Variants in NCOR2 observed in about 807,000 individuals in gnomAD.
The protein encoded by NCOR2 is CTG repeat protein 26.
A neutral mutation model predicts 262.9 loss-of-function variants in NCOR2; 81 were observed. That is an observed-to-expected ratio of 0.31 (90% CI 0.26 to 0.37). The LOEUF (loss-of-function observed/expected upper bound fraction) is 0.37. NCOR2 is among the 10% of genes least tolerant of loss of function. The probability of loss-of-function intolerance (pLI) is 1.00; values close to 1 mark genes in which losing one functional copy is unlikely to be tolerated. For missense variants in NCOR2, 3,385 were observed against 3,621.4 expected, an observed-to-expected ratio of 0.93 and a Z score of 1.68; for synonymous variants, 1,659 against 1,559.3, an observed-to-expected ratio of 1.06 and a Z score of -1.51.
intron 16 of NCOR2, among the ~76,000 whole-genome samples, chr12:124,392,147 C>G (rs1415027233): frequency 6.6e-6 from 1 of 152,244 alleles, no homozygotes; most frequent in African/African-American, 2.4e-5. Flanking sequence ...GGTGCTCCTT[C>G]CCTGAGTCAG....
At chr12:124,384,063 G>A (rs983956548) in intron 17 of NCOR2, among the ~76,000 whole-genome samples, 8 of 152,322 alleles carry the variant, frequency 5.3e-5, no homozygotes, top group African/African-American at 1.9e-4. Context: ...GAGAGAGAAA[G>A]TGAAAGGACA....
chr12:124,356,755 G>A, exon 23 of NCOR2: 3 of 1,490,204 alleles, frequency 2.0e-6, no homozygotes, highest in Non-Finnish European at 1.8e-6. Flanking sequence ...GGGGTCCCCA[G>A]GCAGCTTCTG....
At chr12:124,519,194 T>C (rs1396647655) in intron 1 of NCOR2, among the ~76,000 whole-genome samples, 7 of 151,694 alleles carry the variant, frequency 4.6e-5, no homozygotes, top group African/African-American at 1.7e-4. Flanking sequence ...ATTAGCTGTG[T>C]GACTCAGAGA....
chr12:124,465,286 G>C (rs906692368), intron 5 of NCOR2, among the ~76,000 whole-genome samples: 10 of 152,006 alleles, frequency 6.6e-5, no homozygotes, highest in African/African-American at 2.4e-4. Flanking sequence ...GAAAATAAGG[G>C]AGGGGATCAA....
At chr12:124,387,196 T>TTTCA (rs373449303) in intron 16 of NCOR2, among the ~76,000 whole-genome samples, 5,933 of 147,598 alleles carry the variant, frequency 0.04, 204 homozygotes, top group East Asian at 0.18. Flanking sequence ...GTGTTGGTAT[T>TTTCA]TTCATTCATT....
At chr12:124,339,894 C>T (rs2036300884) in intron 37 of NCOR2, 112 bp downstream of exon 39, 7 of 335,806 alleles carry the variant, frequency 2.1e-5, no homozygotes, top group South Asian at 9.0e-5. Context: ...CACACATCTG[C>T]CCACCCACCC....
Position 124,335,093 on chromosome 12 carries a change from A to T in NCOR2, c.6411+42T>A, listed in dbSNP as rs765691245. On this transcript the variant is annotated intron_variant, in intron 40 of 46. Transcript: ENST00000405201. ...TCCCCTCTCCAGGCCTGGTGCCCCCAGGTGCAAAGGTGACAAGCAGCAGCA... is the reference window on the plus strand; with the variant it reads ...TCCCCTCTCCAGGCCTGGTGCCCCCTGGTGCAAAGGTGACAAGCAGCAGCA... 4.3e-6 allele frequency: 7 copies of T among 1,611,942 alleles called. No homozygotes were observed. The East Asian group carries it at 1.3e-4, about 31-fold the overall frequency.
exon 20 of NCOR2, chr12:124,372,296 G>A (rs1465740220): frequency 1.3e-6 from 2 of 1,537,286 alleles, no homozygotes; most frequent in Non-Finnish European, 8.7e-7. Flanking sequence ...GCCGCGGGGG[G>A]CTTCTGCTCC....
intron 1 of NCOR2, among the ~76,000 whole-genome samples, chr12:124,557,171 G>C (rs1398730473): frequency 6.6e-6 from 1 of 152,242 alleles, no homozygotes; most frequent in Non-Finnish European, 1.5e-5. Context: ...TGCCACGTGG[G>C]GGATGGGTCT....
chr12:124,471,145 C>T (rs986851675), intron 4 of NCOR2, among the ~76,000 whole-genome samples: 1 of 152,232 alleles, frequency 6.6e-6, no homozygotes, highest in Non-Finnish European at 1.5e-5. Flanking sequence ...ATCCTCAAAT[C>T]CTGGTTCCCC....
chr12:124,336,602 A>G, intron 38 of NCOR2, 151 bp downstream of exon 40: 5 of 1,455,316 alleles, frequency 3.4e-6, no homozygotes, highest in Non-Finnish European at 4.5e-6. Flanking sequence ...ATATCTTTGG[A>G]CCACGAGACG....
At chr12:124,450,203 G>T (rs2045434842) in intron 6 of NCOR2, among the ~76,000 whole-genome samples, 2 of 152,248 alleles carry the variant, frequency 1.3e-5, no homozygotes, top group African/African-American at 2.4e-5. Context: ...ATTGGCCCTG[G>T]CCACCAAACG....
intron 13 of NCOR2, among the ~76,000 whole-genome samples, chr12:124,417,135 A>ACTCCACGGAGAGCAGGCCG: frequency 2.7e-5 from 1 of 37,238 alleles, no homozygotes; most frequent in African/African-American, 7.0e-5. Context: ...AGAGCAGACC[A>ACTCCACGGAGAGCAGGCCG]GACACTCACT....
intron 11 of NCOR2, 77 bp from the exon 14 acceptor site, chr12:124,422,632 G>A (rs951944936): frequency 1.3e-5 from 21 of 1,561,802 alleles, no homozygotes; most frequent in African/African-American, 2.7e-5. Flanking sequence ...GCTCCCAGGC[G>A]CCTGCCATCC....
chr12:124,344,554 G>C (rs1421841130), intron 32 of NCOR2, 43 bp downstream of exon 34: 2 of 1,409,128 alleles, frequency 1.4e-6, no homozygotes, highest in Non-Finnish European at 1.9e-6. Context: ...AGCTTCTCCA[G>C]ACAGGCGCCC....
At chr12:124,553,932 A>G (rs1348542708) in intron 1 of NCOR2, among the ~76,000 whole-genome samples, 3 of 152,040 alleles carry the variant, frequency 2.0e-5, no homozygotes, top group South Asian at 2.1e-4. Flanking sequence ...CAAAATGGGG[A>G]GTGGGGGAGC....
chr12:124,342,095 C>T, intron 33 of NCOR2, 21 bp from the exon 36 acceptor site: 2 of 1,591,186 alleles, frequency 1.3e-6, no homozygotes, highest in Non-Finnish European at 1.7e-6. Flanking sequence ...GAGGGGAGCT[C>T]ATGTGAGGCC....
chr12:124,386,274 C>T lies in NCOR2; in HGVS notation c.1877-387G>A, dbSNP rs566673915. 5.9e-5 allele frequency among the ~76,000 whole-genome samples: 9 copies of T among 152,174 alleles called. No individual in the cohort carries two copies. In the East Asian group the frequency reaches 1.2e-3, roughly 20 times the overall value. On this transcript the variant is annotated intron_variant, in intron 16 of 46. Transcript: ENST00000405201. The stretch of plus-strand genomic sequence containing the variant: ...CCCAGGCCCCACCTCTCCTGCTGGG[C>T]GGAGGGCCTGGCCTACGTGACCCAG...
chr12:124,456,368 C>T (rs1003013677), intron 6 of NCOR2, among the ~76,000 whole-genome samples: 15 of 152,200 alleles, frequency 9.9e-5, no homozygotes, highest in Non-Finnish European at 4.4e-5. Flanking sequence ...GGCCCATTCT[C>T]TGGGGGCTAG....
Sources: allele counts gnomAD v4.1 joint callset (sites outside exome capture counted in the v4.1 genomes callset), GRCh38; gene constraint gnomAD v4.1.1; transcripts MANE v1.5; gene names NCBI Gene and HGNC (gene_info 2026-07-23, HGNC 2026-07-21).